USP24: variants seen among roughly 807,000 people sequenced by gnomAD.
USP24 encodes ubiquitin carboxyl-terminal hydrolase 24.
A neutral mutation model predicts 361.6 loss-of-function variants in USP24; 97 were observed. The ratio of observed to expected loss-of-function variants is 0.27; its 90% CI spans 0.23 to 0.32. The LOEUF is 0.32. Among genes scored for constraint, USP24 ranks in the 10% least tolerant of loss-of-function variants. The pLI is 1.00. For synonymous variants in USP24, 1,098 were observed against 1,124.6 expected, an observed-to-expected ratio of 0.98 and a Z score of 0.47; for missense variants, 2,353 against 3,165.6, an observed-to-expected ratio of 0.74 and a Z score of 6.16.
intron 64 of USP24, 149 bp from the exon 65 acceptor site, chr1:55,073,010 T>C: frequency 1.4e-6 from 1 of 714,124 alleles, no homozygotes; most frequent in Admixed American, 3.3e-5. Flanking sequence ...GTAGTCAAAT[T>C]CATGGAGACA....
intron 32 of USP24, among the ~76,000 whole-genome samples, chr1:55,125,960 T>G (rs1646417519): frequency 6.6e-6 from 1 of 152,228 alleles, no homozygotes; most frequent in East Asian, 1.9e-4. Context: ...CTTCTGCTCT[T>G]GACTCTCCAC....
chr1:55,071,854 C>T lies in USP24; in HGVS notation c.7760G>A (p.Ser2587Asn). ...EQSGSSNGSESSPANENGDRH... is the reference protein window; with the variant it reads ...EQSGSSNGSENSPANENGDRH... Reference sequence around the variant, plus strand: ...GTCTCCGTTCTCATTGGCAGGACTACTCTCCGACCCATTACTGCTTCCTGA... The same window carrying T: ...GTCTCCGTTCTCATTGGCAGGACTATTCTCCGACCCATTACTGCTTCCTGA... The change falls in exon 67 of 68, where the codon AGT becomes AAT. Residue 2587 changes from serine to asparagine, a missense_variant. Physicochemically the swap from Ser to Asn is conservative, Grantham distance 46 (BLOSUM62 1). Coordinates refer to ENST00000294383, the MANE Select transcript of USP24 (RefSeq NM_015306.3). The T allele has an allele frequency of 1.9e-6, 3 of 1,613,490 alleles. No individual in the cohort carries two copies. Among genetic ancestry groups the T allele is most frequent in the Non-Finnish European group, 2.5e-6 (3 of 1,179,788 alleles).
intron 53 of USP24, among the ~76,000 whole-genome samples, 171 bp downstream of exon 53, chr1:55,092,650 T>A (rs534992228): frequency 6.6e-6 from 1 of 152,356 alleles, no homozygotes; most frequent in African/African-American, 2.4e-5. Flanking sequence ...ACATTCAGAA[T>A]GCTGCTTGCA....
intron 63 of USP24, among the ~76,000 whole-genome samples, chr1:55,074,920 C>G (rs1644995173): frequency 6.6e-6 from 1 of 152,110 alleles, no homozygotes; most frequent in Admixed American, 6.5e-5. Flanking sequence ...ATGGTGGAAG[C>G]TGGCTAAAAT....
intron 30 of USP24, among the ~76,000 whole-genome samples, chr1:55,132,917 C>T (rs1646632495): frequency 1.3e-5 from 2 of 152,152 alleles, no homozygotes; most frequent in African/African-American, 2.4e-5. Context: ...GATTCAAATA[C>T]TACGTGAATG....
At chr1:55,137,717 GAGGAAA>G (rs771107983) in intron 27 of USP24, 29 bp from the exon 28 acceptor site, 4 of 1,597,792 alleles carry the variant, frequency 2.5e-6, no homozygotes, top group Admixed American at 3.5e-5. Flanking sequence ...TAATTATTGA[GAGGAAA>G]AGGAAGAGGA....
In USP24 at chr1:55,142,725, TA is replaced by T. The variant is rs1646924591; in HGVS notation, c.2634+16del. The T allele has an allele frequency of 4.1e-6, 6 of 1,468,000 alleles. No homozygotes were observed. Among genetic ancestry groups the T allele is most frequent in the African/African-American group, 1.4e-5 (1 of 69,348 alleles). 90.9% of individuals were successfully genotyped at this position (1,468,000 alleles called of 1,614,324 possible). ...GCATTTACCTCAAAGAGATGTTAAA[TA>T]AAATTTGCTACTCACTTCTAATCTT... On this transcript the variant is annotated intron_variant, in intron 23 of 67. Coordinates refer to ENST00000294383, the MANE Select transcript of USP24 (RefSeq NM_015306.3).
At chr1:55,121,913 A>T (rs149643372) in intron 36 of USP24, among the ~76,000 whole-genome samples, 1 of 152,212 alleles carries the variant, frequency 6.6e-6, no homozygotes, top group African/African-American at 2.4e-5. Context: ...AATTCTAGGA[A>T]AATTAAACGA....
chr1:55,079,839 A>G (rs1166166332), intron 59 of USP24, among the ~76,000 whole-genome samples, 180 bp from the exon 60 acceptor site: 2 of 151,644 alleles, frequency 1.3e-5, no homozygotes, highest in African/African-American at 4.9e-5. Context: ...CACACACAGT[A>G]CTCACACACA....
chr1:55,069,909 T>C (rs1213234868), intron 67 of USP24, among the ~76,000 whole-genome samples: 1 of 98,172 alleles, frequency 1.0e-5, no homozygotes. Context: ...AATCAGAAAA[T>C]GGGGGTGGGG....
intron 51 of USP24, 131 bp from the exon 52 acceptor site, chr1:55,094,218 CTG>C: frequency 2.3e-6 from 2 of 854,320 alleles, no homozygotes; most frequent in East Asian, 5.4e-5. Context: ...AAACATAAAA[CTG>C]TACCACATAA....
intron 26 of USP24, 86 bp from the exon 27 acceptor site, chr1:55,137,990 G>A: frequency 7.6e-7 from 1 of 1,311,226 alleles, no homozygotes; most frequent in Non-Finnish European, 1.1e-6. Flanking sequence ...CTAGGTACTG[G>A]GCACTGTTCT....
In USP24 at chr1:55,100,925, C is replaced by T; in HGVS notation, c.5185G>A (p.Asp1729Asn). ...GACTGCACTTGGTAAAACACGCTAT[C>T]ATCTGGATTGTCTGTGTCATCATCC... ...SVDDDTDNPD[D>N]SVFYQVQSLF... The change falls in exon 44 of 68, where the codon GAT becomes AAT. Residue 1729 changes from aspartate (D) to asparagine (N), a missense_variant. Physicochemically the swap from Asp to Asn is conservative, Grantham distance 23 (BLOSUM62 1). Transcript: ENST00000294383. 6.2e-7 allele frequency: 1 copy of T among 1,613,592 alleles called. No homozygotes were observed. The highest frequency in any genetic ancestry group is 8.5e-7 in the Non-Finnish European group (1 of 1,179,702).
chr1:55,101,103 T>C lies in USP24; in HGVS notation c.5146-139A>G, dbSNP rs1645623159. 9 of 1,042,150 alleles carry C rather than the reference T, an allele frequency of 8.6e-6. No homozygotes were observed. The Admixed American group carries it at 9.1e-5, about 11-fold the overall frequency. 64.6% of individuals were successfully genotyped at this position (1,042,150 alleles called of 1,614,324 possible). A position where few individuals can be genotyped will look rare whatever the true frequency, so the allele number is the denominator to read the frequency against. On this transcript the variant is annotated intron_variant, in intron 43 of 67. Coordinates refer to ENST00000294383, the MANE Select transcript of USP24 (RefSeq NM_015306.3). Reference sequence around the variant, plus strand: ...GGACATGGCTATAATGCTGCAGATATTTAACTTTAATAATTCCTAGCTGGT... The same window carrying C: ...GGACATGGCTATAATGCTGCAGATACTTAACTTTAATAATTCCTAGCTGGT...
intron 43 of USP24, 101 bp from the exon 44 acceptor site, chr1:55,101,065 G>A: frequency 7.4e-7 from 1 of 1,347,888 alleles, no homozygotes; most frequent in Non-Finnish European, 1.0e-6. Context: ...TTTTTAGAAT[G>A]TTATGTATGT....
chr1:55,207,929 C>T (rs1644753471), intron 1 of USP24, among the ~76,000 whole-genome samples: 1 of 152,196 alleles, frequency 6.6e-6, no homozygotes, highest in Non-Finnish European at 1.5e-5. Context: ...GTGGGAAGCC[C>T]TGGTGAGTAC....
Position 55,067,243 on chromosome 1 carries a change from A to G in USP24, c.*1802T>C, listed in dbSNP as rs1644839580. 1 of 152,148 alleles carries G rather than the reference A, an allele frequency of 6.6e-6. No homozygotes were observed. Among genetic ancestry groups the G allele is most frequent in the Non-Finnish European group, 1.5e-5 (1 of 68,040 alleles). 9.4% of individuals were successfully genotyped at this position (152,148 alleles called of 1,614,324 possible). A position where few individuals can be genotyped will look rare whatever the true frequency, so the allele number is the denominator to read the frequency against. On this transcript the variant is annotated 3_prime_UTR_variant, in exon 68 of 68. Coordinates refer to ENST00000294383, the MANE Select transcript of USP24 (RefSeq NM_015306.3). ...GCATTTCAAGGTCATGTCCCACACA[A>G]TCTCTTGGTGAGGATGTGGGCGGAG...
At chr1:55,148,692 AT>A in intron 16 of USP24, 122 bp from the exon 17 acceptor site, 1 of 682,866 alleles carries the variant, frequency 1.5e-6, no homozygotes, top group Non-Finnish European at 2.4e-6. Flanking sequence ...TTTACTCTTT[AT>A]ATTGACCATT....
At chr1:55,187,613 TACTGTATTTCTATACACTAACA>T (rs1282129105) in intron 1 of USP24, among the ~76,000 whole-genome samples, 2 of 152,196 alleles carry the variant, frequency 1.3e-5, no homozygotes, top group African/African-American at 4.8e-5. Context: ...AGTATCAATA[TACTGTATTTCTATACACTAACA>T]ACTGTATTTC....
Sources: gnomAD v4.1 joint callset for allele counts (sites outside exome capture counted in the v4.1 genomes callset) on GRCh38, gnomAD v4.1.1 for gene constraint, MANE v1.5 for transcripts, NCBI Gene and HGNC (gene_info 2026-07-23, HGNC 2026-07-21) for gene names.